The following TXNRD1 variants were observed in gnomAD, a reference collection of about 807,000 sequenced individuals.
The protein encoded by TXNRD1 is thioredoxin reductase 1, cytoplasmic.
In TXNRD1, 57 loss-of-function variants were observed where a neutral mutation model predicts 80.3. That is an observed-to-expected ratio of 0.71 (90% CI 0.57 to 0.89). The LOEUF is 0.89. TXNRD1 is among the 40% of genes least tolerant of loss of function. The probability of loss-of-function intolerance (pLI) is 0.00; values close to 1 mark genes in which losing one functional copy is unlikely to be tolerated. For missense variants in TXNRD1, 730 were observed against 803.0 expected, an observed-to-expected ratio of 0.91 and a Z score of 1.10; for synonymous variants, 291 against 285.2, an observed-to-expected ratio of 1.02 and a Z score of -0.20.
intron 1 of TXNRD1, among the ~76,000 whole-genome samples, chr12:104,225,647 C>T (rs2032456495): frequency 6.6e-6 from 1 of 151,976 alleles, no homozygotes; most frequent in Non-Finnish European, 1.5e-5. Flanking sequence ...TGAAGAGGTG[C>T]CTTCTGCCAT....
chr12:104,245,281 G>T (rs1052408533), intron 1 of TXNRD1, among the ~76,000 whole-genome samples: 2 of 151,770 alleles, frequency 1.3e-5, no homozygotes, highest in Non-Finnish European at 2.9e-5. Context: ...GGAGGCTGCG[G>T]CAGGCGGGTC....
intron 4 of TXNRD1, chr12:104,304,593 A>G: frequency 6.2e-7 from 1 of 1,614,044 alleles, no homozygotes; most frequent in Non-Finnish European, 8.5e-7. Flanking sequence ...ACAGAAAAAA[A>G]CGTAGAAAGG....
intron 4 of TXNRD1, among the ~76,000 whole-genome samples, chr12:104,294,233 G>GGCACCC (rs60817773): frequency 2.9e-5 from 2 of 68,884 alleles, no homozygotes; most frequent in Non-Finnish European, 5.5e-5. Flanking sequence ...CCGGGGAAAG[G>GGCACCC]CCCCCCCCCC....
At chr12:104,317,759 C>G (rs1031732529) in intron 7 of TXNRD1, among the ~76,000 whole-genome samples, 3 of 152,162 alleles carry the variant, frequency 2.0e-5, no homozygotes, top group African/African-American at 7.2e-5. Flanking sequence ...TAATTTGAGC[C>G]CAGGAGTTCA....
intron 10 of TXNRD1, among the ~76,000 whole-genome samples, chr12:104,324,261 T>A (rs2035673549): frequency 6.6e-6 from 1 of 152,010 alleles, no homozygotes; most frequent in South Asian, 2.1e-4. Context: ...CTCATTTAAC[T>A]ATATAAGAAG....
chr12:104,311,483 TTC>T (rs2035131414), intron 5 of TXNRD1, 71 bp downstream of exon 5: 1 of 1,550,788 alleles, frequency 6.4e-7, no homozygotes, highest in Non-Finnish European at 8.7e-7. Context: ...CCTGACAGGG[TTC>T]TCTCCTCTCT....
chr12:104,259,735 G>T (rs1354539266), intron 3 of TXNRD1, among the ~76,000 whole-genome samples: 1 of 151,694 alleles, frequency 6.6e-6, no homozygotes, highest in Non-Finnish European at 1.5e-5. Flanking sequence ...TGAGCCGCCC[G>T]CCTCAGCCTC....
intron 4 of TXNRD1, chr12:104,304,015 C>G (rs747182777): frequency 1.2e-6 from 2 of 1,612,136 alleles, no homozygotes; most frequent in South Asian, 1.1e-5. Context: ...ACCCAAAGCT[C>G]CTGGAGCTCA....
rs1222723839 is a variant in TXNRD1, at chr12:104,234,837, A to G, written c.92-16690A>G. ...GGAAAAGAAAAAATAGGGAAGGCAA[A>G]GAAATAGGGGGAACACCATTCCCAA... On this transcript the variant is annotated intron_variant, in intron 1 of 16. Coordinates refer to ENST00000525566, the MANE Select transcript of TXNRD1 (RefSeq NM_001093771.3). Among the ~76,000 whole-genome samples the G allele has an allele frequency of 2.0e-5, 3 of 152,214 alleles. No homozygotes were observed. In the East Asian group the frequency reaches 5.8e-4, roughly 29 times the overall value.
chr12:104,238,091 A>G (rs1281501191), intron 1 of TXNRD1, among the ~76,000 whole-genome samples: 2 of 152,228 alleles, frequency 1.3e-5, no homozygotes, highest in Non-Finnish European at 2.9e-5. Context: ...TAAGAAATAA[A>G]AATAGTCTCA....
chr12:104,235,743 A>G (rs773318393), intron 1 of TXNRD1, among the ~76,000 whole-genome samples: 1 of 152,228 alleles, frequency 6.6e-6, no homozygotes, highest in Non-Finnish European at 1.5e-5. Flanking sequence ...GAAACCCATA[A>G]GCCTGCTGTT....
intron 1 of TXNRD1, among the ~76,000 whole-genome samples, chr12:104,222,805 T>C (rs541079817): frequency 4.6e-5 from 7 of 152,302 alleles, no homozygotes; most frequent in Non-Finnish European, 8.8e-5. Context: ...GAGCCGAGAT[T>C]GCACTGCTGC....
At chr12:104,316,266 T>C (rs1236858698) in intron 7 of TXNRD1, among the ~76,000 whole-genome samples, 2 of 143,152 alleles carry the variant, frequency 1.4e-5, no homozygotes, top group Non-Finnish European at 3.1e-5. Flanking sequence ...CATGAGCTGA[T>C]GTTTGTGGGG....
At chr12:104,292,101 C>T (rs1436590866) in intron 4 of TXNRD1, among the ~76,000 whole-genome samples, 2 of 152,194 alleles carry the variant, frequency 1.3e-5, no homozygotes, top group Non-Finnish European at 2.9e-5. Context: ...TTGTTTCTTC[C>T]TCATCCCCTT....
chr12:104,252,527 CT>C (rs1486725977), intron 2 of TXNRD1, among the ~76,000 whole-genome samples: 1 of 150,914 alleles, frequency 6.6e-6, no homozygotes, highest in Non-Finnish European at 1.5e-5. Context: ...CAAACCTGAT[CT>C]GTCTGGTGCT....
intron 1 of TXNRD1, among the ~76,000 whole-genome samples, chr12:104,224,546 C>G (rs1393625698): frequency 6.6e-6 from 1 of 152,032 alleles, no homozygotes; most frequent in Non-Finnish European, 1.5e-5. Context: ...CCACCACACC[C>G]AGCTAATTTT....
At chr12:104,242,611 A>G (rs1182101052) in intron 1 of TXNRD1, among the ~76,000 whole-genome samples, 1 of 152,136 alleles carries the variant, frequency 6.6e-6, no homozygotes, top group South Asian at 2.1e-4. Context: ...AACAGCATCA[A>G]TATTAAATTT....
At chr12:104,324,890 G>A (rs1050070218) in intron 10 of TXNRD1, among the ~76,000 whole-genome samples, 2 of 152,166 alleles carry the variant, frequency 1.3e-5, no homozygotes, top group Non-Finnish European at 1.5e-5. Context: ...CTGCTGTAAT[G>A]TAATCTATCC....
intron 1 of TXNRD1, among the ~76,000 whole-genome samples, chr12:104,237,428 A>G (rs1395129162): frequency 2.0e-5 from 3 of 152,306 alleles, no homozygotes; most frequent in East Asian, 3.9e-4. Context: ...GAAGCACTAC[A>G]CTGTCTTCTC....
Sources: gnomAD v4.1 joint callset for allele counts (sites outside exome capture counted in the v4.1 genomes callset) on GRCh38, gnomAD v4.1.1 for gene constraint, MANE v1.5 for transcripts, NCBI Gene and HGNC (gene_info 2026-07-23, HGNC 2026-07-21) for gene names.